PGBD2: variants seen among roughly 807,000 people sequenced by gnomAD.
PGBD2 encodes the protein piggyBac transposable element derived 2.
A neutral mutation model predicts 8.1 loss-of-function variants in PGBD2; 6 were observed. The observed-to-expected ratio is 0.74, with a 90% CI of 0.40 to 1.46. The LOEUF (loss-of-function observed/expected upper bound fraction) is 1.46. Ranked by LOEUF, PGBD2 falls within the 40% of genes most tolerant of loss-of-function variation. The pLI is 0.02. For synonymous variants in PGBD2, 318 were observed against 272.2 expected, an observed-to-expected ratio of 1.17 and a Z score of -1.66; for missense variants, 802 against 739.0, an observed-to-expected ratio of 1.09 and a Z score of -0.99.
the PGBD2 span, among the ~76,000 whole-genome samples, chr1:248,899,140 C>T: frequency 6.6e-6 from 1 of 152,086 alleles, no homozygotes; most frequent in Non-Finnish European, 1.5e-5. Flanking sequence ...CTTAGACTCC[C>T]CTACAATAAC....
At chr1:248,925,014 T>C in the PGBD2 span, among the ~76,000 whole-genome samples, 1 of 152,156 alleles carries the variant, frequency 6.6e-6, no homozygotes, top group Non-Finnish European at 1.5e-5. Context: ...CGGAGGGCTT[T>C]TTTTTTTCTT....
intron 1 of PGBD2, among the ~76,000 whole-genome samples, chr1:248,907,337 C>CTT (rs1661689057): frequency 6.6e-6 from 1 of 152,218 alleles, no homozygotes; most frequent in Non-Finnish European, 1.5e-5. Flanking sequence ...GGCAGTTTTT[C>CTT]TCCTATCTCA....
the PGBD2 span, among the ~76,000 whole-genome samples, chr1:248,878,591 T>C: frequency 6.6e-6 from 1 of 152,300 alleles, no homozygotes; most frequent in Admixed American, 6.5e-5. Context: ...CTTGTTGGAA[T>C]GTGCTCGTTT....
rs769056730 is a variant in PGBD2 at position 248,917,021 on chromosome 1, A to C, written c.437A>C (p.Glu146Ala). 12 of 1,613,592 alleles carry C rather than the reference A, an allele frequency of 7.4e-6. No homozygotes were observed. In the South Asian group the frequency reaches 1.3e-4, roughly 18 times the overall value. ...GAGCTGAGTCCCGTGGGCCTTTTTGAGTTGTTTTTTGATGAAGGAACAATT... is the reference window on the plus strand; with the variant it reads ...GAGCTGAGTCCCGTGGGCCTTTTTGCGTTGTTTTTTGATGAAGGAACAATT... Reference protein sequence around the residue: ...SQELSPVGLFELFFDEGTINF... With the variant: ...SQELSPVGLFALFFDEGTINF... The change falls in exon 3 of 3, where the codon GAG (glutamate) becomes GCG (alanine). Residue 146 changes from glutamate to alanine, a missense_variant. Physicochemically the swap from Glu to Ala is moderately radical, Grantham distance 107. Coordinates refer to ENST00000329291, the MANE Select transcript of PGBD2 (RefSeq NM_170725.3).
At chr1:248,874,034 T>C in the PGBD2 span, among the ~76,000 whole-genome samples, 1 of 152,184 alleles carries the variant, frequency 6.6e-6, no homozygotes, top group Non-Finnish European at 1.5e-5. Context: ...TATTTTATTG[T>C]CTTCTCCAGG....
At chr1:248,907,017 C>T (rs1661668376) in intron 1 of PGBD2, among the ~76,000 whole-genome samples, 1 of 152,086 alleles carries the variant, frequency 6.6e-6, no homozygotes, top group African/African-American at 2.4e-5. Context: ...AGAGAAACCA[C>T]AGTGGGCCCA....
chr1:248,925,485 C>T, the PGBD2 span, among the ~76,000 whole-genome samples: 1 of 151,776 alleles, frequency 6.6e-6, no homozygotes, highest in African/African-American at 2.4e-5. Context: ...GGTGGCTTTT[C>T]AGAAGATGAA....
the PGBD2 span, among the ~76,000 whole-genome samples, chr1:248,890,020 C>CG: frequency 3.7e-3 from 554 of 151,768 alleles, 7 homozygotes; most frequent in Non-Finnish European, 5.9e-3. Context: ...CTCCACCTCC[C>CG]GGGTTCAAGT....
intron 1 of PGBD2, among the ~76,000 whole-genome samples, chr1:248,910,716 C>T (rs1572273766): frequency 6.6e-6 from 1 of 152,178 alleles, no homozygotes; most frequent in East Asian, 1.9e-4. Context: ...GCCCCACAGA[C>T]ATCACAATCA....
At chr1:248,873,282 A>G in the PGBD2 span, among the ~76,000 whole-genome samples, 3 of 151,884 alleles carry the variant, frequency 2.0e-5, no homozygotes, top group Admixed American at 1.3e-4. Context: ...GACTTCCCTC[A>G]CCTCAGGCGA....
At chr1:248,911,567 T>A (rs1310208981) in intron 1 of PGBD2, among the ~76,000 whole-genome samples, 72 of 143,560 alleles carry the variant, frequency 5.0e-4, no homozygotes, top group African/African-American at 2.1e-3. Context: ...TTTCCCCACC[T>A]TTCCCCCTTT....
chr1:248,905,725 A>G (rs1459003016), upstream of PGBD2, among the ~76,000 whole-genome samples: 1 of 152,152 alleles, frequency 6.6e-6, no homozygotes, highest in Non-Finnish European at 1.5e-5. Context: ...CTTCCCTCTC[A>G]ACAAAGAATT....
chr1:248,881,086 C>T, the PGBD2 span, among the ~76,000 whole-genome samples: 3 of 152,004 alleles, frequency 2.0e-5, no homozygotes, highest in Non-Finnish European at 4.4e-5. Flanking sequence ...AGCAGGGGTC[C>T]CTGAGAGCCC....
chr1:248,925,707 A>G, the PGBD2 span, among the ~76,000 whole-genome samples: 2 of 152,024 alleles, frequency 1.3e-5, no homozygotes, highest in Admixed American at 6.6e-5. Context: ...TTCTTAGGAT[A>G]ATAAGGGAAA....
chr1:248,921,742 C>T (rs190067800), downstream of PGBD2, among the ~76,000 whole-genome samples: 15 of 152,276 alleles, frequency 9.9e-5, no homozygotes, highest in African/African-American at 2.9e-4. Flanking sequence ...GCCATTTTCA[C>T]GATATTGATT....
At chr1:248,926,377 C>A in the PGBD2 span, among the ~76,000 whole-genome samples, 1 of 151,992 alleles carries the variant, frequency 6.6e-6, no homozygotes, top group African/African-American at 2.4e-5. Context: ...CAAAGAATGG[C>A]CTTGGTTTCT....
chr1:248,892,877 T>C, the PGBD2 span, among the ~76,000 whole-genome samples: 27 of 152,334 alleles, frequency 1.8e-4, no homozygotes, highest in East Asian at 4.8e-3. Flanking sequence ...GACTCACCTC[T>C]GAGAGAAACT....
chr1:248,910,433 C>A (rs1435276376), intron 1 of PGBD2, among the ~76,000 whole-genome samples: 1 of 152,160 alleles, frequency 6.6e-6, no homozygotes, highest in Non-Finnish European at 1.5e-5. Flanking sequence ...TTACTGTTTT[C>A]ACAGTGCAGT....
chr1:248,899,901 C>G, the PGBD2 span, among the ~76,000 whole-genome samples: 2 of 151,168 alleles, frequency 1.3e-5, no homozygotes, highest in African/African-American at 2.4e-5. Context: ...GGGGATATCA[C>G]CACTGACGCC....
Sources: allele counts gnomAD v4.1 joint callset (sites outside exome capture counted in the v4.1 genomes callset), GRCh38; gene constraint gnomAD v4.1.1; transcripts MANE v1.5; gene names NCBI Gene and HGNC (gene_info 2026-07-23, HGNC 2026-07-21).